NCAPD3: variants seen among roughly 807,000 people sequenced by gnomAD.
The protein encoded by NCAPD3 is condensin-2 complex subunit D3.
Under a neutral mutation model 182.9 loss-of-function variants are expected in NCAPD3, and 105 were observed. The observed-to-expected ratio is 0.57, with a 90% CI of 0.49 to 0.68. The LOEUF (loss-of-function observed/expected upper bound fraction) is 0.68, where lower values mean the gene tolerates loss of function less well. NCAPD3 is among the 30% of genes least tolerant of loss of function. NCAPD3 has a pLI of 0.00. For synonymous variants in NCAPD3, 815 were observed against 679.9 expected, an observed-to-expected ratio of 1.20 and a Z score of -3.09; for missense variants, 1,944 against 1,837.0, an observed-to-expected ratio of 1.06 and a Z score of -1.07.
chr11:134,175,160 GCT>G lies in NCAPD3; in HGVS notation c.3101+1145_3101+1146del, dbSNP rs1176553676. On this transcript the variant is annotated intron_variant, in intron 24 of 34. Transcript: ENST00000534548. The stretch of plus-strand genomic sequence containing the variant: ...ACATACAGTTTACTCATTGATCATT[GCT>G]CTTTTTCACATACACATATAGGGGC... Among the ~76,000 whole-genome samples, 4 of 152,268 alleles carry G rather than the reference GCT, an allele frequency of 2.6e-5. No individual in the cohort carries two copies. In the East Asian group the frequency reaches 7.7e-4, roughly 29 times the overall value.
rs1271242374 is a variant in NCAPD3, at chr11:134,165,878, T to G, written c.3573+2118A>C. Among the ~76,000 whole-genome samples, 7 of 119,712 alleles carry G rather than the reference T, an allele frequency of 5.8e-5. No homozygotes were observed. The Admixed American group carries it at 6.6e-4, about 11-fold the overall frequency. The allele number at this position is 119,712 out of a possible 152,430, so 78.5% of individuals were successfully genotyped here. ...CTTAGGGGAGCTGCACACTCACTAG[T>G]GAGATGAGCTTGGGGGAGGGGCACA... On this transcript the variant is annotated intron_variant, in intron 27 of 34. Transcript: ENST00000534548.
At chr11:134,184,808 T>TACACACACACACACAC (rs770341081) in intron 18 of NCAPD3, 56 bp from the exon 19 acceptor site, 4 of 955,522 alleles carry the variant, frequency 4.2e-6, no homozygotes, top group Admixed American at 2.2e-5. Flanking sequence ...TTCAGGTATA[T>TACACACACACACACAC]ATACACACAC....
At position 134,204,264 on chromosome 11, in the gene NCAPD3, A is replaced by T; in HGVS notation, c.1090-93T>A. ...ATATAAGTTGAAAGTCAGTGAGTAC[A>T]ACTAGTTCAATGACCTTTAAATGTT... is the stretch of plus-strand genomic sequence containing the variant. On this transcript the variant is annotated intron_variant, in intron 9 of 34. Coordinates refer to ENST00000534548, the MANE Select transcript of NCAPD3 (RefSeq NM_015261.3). This position sits in a 1 kb window ranked among gnomAD's most constrained non-coding sequence, Gnocchi z 4.3. 5 of 1,379,264 alleles carry T rather than the reference A, an allele frequency of 3.6e-6. No individual in the cohort carries two copies. Among genetic ancestry groups the T allele is most frequent in the Non-Finnish European group, 5.0e-6 (5 of 1,006,978 alleles). The allele number at this position is 1,379,264 out of a possible 1,614,324, so 85.4% of individuals were successfully genotyped here.
intron 27 of NCAPD3, among the ~76,000 whole-genome samples, chr11:134,166,628 C>G (rs1943811614): frequency 2.1e-5 from 1 of 48,046 alleles, no homozygotes; most frequent in Admixed American, 1.9e-4. Flanking sequence ...GGCACACTCA[C>G]TAGTGAGATG....
chr11:134,168,483 C>A lies in NCAPD3; in HGVS notation c.3359G>T (p.Cys1120Phe). ...ACTGGGCTTACCCAAAATACTAAGG[C>A]AGATTTTGGAAGTGATGTTGAATCG... ...EQRFNITSKI[C>F]LSILACFADG... Residue 1120 changes from cysteine (C) to phenylalanine (F), a missense_variant, in exon 26 of 35, where the codon TGC (cysteine) becomes TTC (phenylalanine). Coordinates refer to ENST00000534548, the MANE Select transcript of NCAPD3 (RefSeq NM_015261.3). The A allele has an allele frequency of 6.2e-7, 1 of 1,614,190 alleles. No individual in the cohort carries two copies. The highest frequency in any genetic ancestry group is 1.3e-5 in the African/African-American group (1 of 75,056).
In NCAPD3 at chr11:134,157,934, T is replaced by G. The variant is rs780481345; in HGVS notation, c.4168A>C (p.Ser1390Arg). ...CACCAAACATAAGGCTTACCCTGAC[T>G]GCACGTTTTTTCTGGGCTTCCAGAA... The part of the protein sequence containing the change: ...LNSGSPEKTC[S>R]QVSSYSLEQE... The change falls in exon 31 of 35, where the codon AGT (serine) becomes CGT (arginine). Residue 1390 changes from serine to arginine, a missense_variant. Transcript: ENST00000534548. 2 of 1,613,794 alleles carry G rather than the reference T, an allele frequency of 1.2e-6. No homozygotes were observed. The highest frequency in any genetic ancestry group is 1.1e-5 in the South Asian group (1 of 91,022).
At chr11:134,186,539 T>C (rs997126747) in intron 16 of NCAPD3, among the ~76,000 whole-genome samples, 1 of 152,212 alleles carries the variant, frequency 6.6e-6, no homozygotes, top group East Asian at 1.9e-4. Flanking sequence ...AACTATCTCT[T>C]ATTTTACTTC....
At position 134,195,533 on chromosome 11, in the gene NCAPD3, ACT is replaced by A. The variant is rs201710133; in HGVS notation, c.1616-797_1616-796del. ...TCATTTTAAAAGAGCAAGATATGTT[ACT>A]GTTAGTACTTTTTCATAAAAAATAA... On this transcript the variant is annotated intron_variant, in intron 13 of 34. Coordinates refer to ENST00000534548, the MANE Select transcript of NCAPD3 (RefSeq NM_015261.3). Among the ~76,000 whole-genome samples the A allele has an allele frequency of 7.3e-3, 1,110 of 152,326 alleles. 9 individuals carry two copies. Among genetic ancestry groups the A allele is most frequent in the African/African-American group, 0.025 (1,046 of 41,568 alleles).
At chr11:134,174,935 T>C (rs944914720) in intron 24 of NCAPD3, among the ~76,000 whole-genome samples, 2 of 152,178 alleles carry the variant, frequency 1.3e-5, no homozygotes, top group African/African-American at 4.8e-5. Flanking sequence ...GCAAATGTAG[T>C]CATCAGCTTT....
intron 27 of NCAPD3, among the ~76,000 whole-genome samples, chr11:134,166,393 G>A (rs1218760184): frequency 8.6e-5 from 1 of 11,594 alleles, no homozygotes; most frequent in Non-Finnish European, 1.4e-4. Flanking sequence ...TTGGGGGAGG[G>A]GCACACTCAC....
At chr11:134,193,735 C>G (rs1482258619) in intron 15 of NCAPD3, among the ~76,000 whole-genome samples, 1 of 152,204 alleles carries the variant, frequency 6.6e-6, no homozygotes, top group Non-Finnish European at 1.5e-5. Flanking sequence ...GCCTGAGAAA[C>G]AGAGCAGGAC....
chr11:134,168,838 A>G (rs1361053261), intron 25 of NCAPD3, 79 bp downstream of exon 25: 7 of 1,522,846 alleles, frequency 4.6e-6, no homozygotes, highest in Non-Finnish European at 6.2e-6. Flanking sequence ...CAATCACTAC[A>G]TGCAAAGAGC....
chr11:134,165,416 G>C (rs902702090), intron 27 of NCAPD3, among the ~76,000 whole-genome samples: 3 of 150,728 alleles, frequency 2.0e-5, no homozygotes, highest in Admixed American at 6.6e-5. Flanking sequence ...GATGAGCTTA[G>C]GGGAAGAAGC....
Position 134,153,071 on chromosome 11 carries a change from C to G in NCAPD3, c.4389-19G>C. 1 of 1,610,176 alleles carries G rather than the reference C, an allele frequency of 6.2e-7. No homozygotes were observed. The highest frequency in any genetic ancestry group is 1.1e-5 in the South Asian group (1 of 90,710). ...TGGGGGCCTAGGGAAAGGACATGTG[C>G]AGTCATTCTGGAACTCAGAAAAACC... On this transcript the variant is annotated intron_variant, in intron 34 of 34. Transcript: ENST00000534548.
At chr11:134,158,567 G>C in intron 29 of NCAPD3, 72 bp from the exon 30 acceptor site, 1 of 1,483,210 alleles carries the variant, frequency 6.7e-7, no homozygotes, top group Non-Finnish European at 9.2e-7. Flanking sequence ...TATGATAGTT[G>C]TACATGGTTG....
intron 1 of NCAPD3, chr11:134,223,340 G>A (rs1346888569): frequency 4.4e-6 from 3 of 688,044 alleles, no homozygotes; most frequent in East Asian, 2.7e-5. Flanking sequence ...AGGCAGGACA[G>A]TGGTAGTGGG....
Position 134,151,844 on chromosome 11 carries a change from T to TATCA in NCAPD3, c.*1096_*1099dup, listed in dbSNP as rs10665918. The TATCA allele has an allele frequency of 0.3, 45,179 of 151,858 alleles. 7,902 individuals are homozygous for TATCA. The highest frequency in any genetic ancestry group is 0.59 in the East Asian group (3,009 of 5,110). The allele number at this position is 151,858 out of a possible 1,614,324, so 9.4% of individuals were successfully genotyped here. On this transcript the variant is annotated 3_prime_UTR_variant, in exon 35 of 35. Transcript: ENST00000534548. The stretch of plus-strand genomic sequence containing the variant: ...GGTTAGGCATGCACACTAAAAATGC[T>TATCA]ATCAATCACCCATCCACCAGGGAAG...
intron 23 of NCAPD3, among the ~76,000 whole-genome samples, chr11:134,176,681 G>T (rs1037990706): frequency 6.6e-6 from 1 of 152,170 alleles, no homozygotes; most frequent in African/African-American, 2.4e-5. Flanking sequence ...AACATACCAG[G>T]ACAGACATAC....
At chr11:134,198,125 CG>C (rs1329306752) in intron 13 of NCAPD3, among the ~76,000 whole-genome samples, 1 of 152,168 alleles carries the variant, frequency 6.6e-6, no homozygotes, top group Non-Finnish European at 1.5e-5. Flanking sequence ...CAGACCATGA[CG>C]GGATGTGGGG....
Sources: allele counts gnomAD v4.1 joint callset (sites outside exome capture counted in the v4.1 genomes callset), GRCh38; gene constraint gnomAD v4.1.1; non-coding constraint Gnocchi (gnomAD v3.1); transcripts MANE v1.5; gene names NCBI Gene and HGNC (gene_info 2026-07-23, HGNC 2026-07-21).